Variants in STK32B observed in about 807,000 individuals in gnomAD.
The protein encoded by STK32B is serine/threonine kinase 32B.
In STK32B, 43 loss-of-function variants were observed where a neutral mutation model predicts 52.6. The observed-to-expected ratio is 0.82, with a 90% CI of 0.64 to 1.05. The LOEUF (loss-of-function observed/expected upper bound fraction) is 1.05. Among genes scored for constraint, STK32B ranks in the 50% least tolerant of loss-of-function variants. The pLI is 0.00. For missense variants in STK32B, 621 were observed against 534.6 expected (o/e 1.16, Z -1.59); for synonymous variants, 238 against 204.3 (o/e 1.17, Z -1.41).
intron 3 of STK32B, among the ~76,000 whole-genome samples, chr4:5,319,430 C>G (rs939497736): frequency 1.3e-5 from 2 of 152,232 alleles, no homozygotes; most frequent in Non-Finnish European, 1.5e-5. Flanking sequence ...AAACTCAAAT[C>G]TGACAAGGAC....
chr4:5,185,702 C>A (rs1309323609), intron 3 of STK32B, among the ~76,000 whole-genome samples: 1 of 152,148 alleles, frequency 6.6e-6, no homozygotes, highest in Non-Finnish European at 1.5e-5. Flanking sequence ...TGTTTCAATG[C>A]CCAGCCAGTT....
At chr4:5,170,049 A>G (rs1227341332) in intron 3 of STK32B, among the ~76,000 whole-genome samples, 1 of 152,240 alleles carries the variant, frequency 6.6e-6, no homozygotes, top group East Asian at 1.9e-4. Flanking sequence ...TAATGGCTAC[A>G]TAATATTCCA....
At chr4:5,322,229 C>G (rs1190310543) in intron 3 of STK32B, among the ~76,000 whole-genome samples, 1 of 152,158 alleles carries the variant, frequency 6.6e-6, no homozygotes, top group African/African-American at 2.4e-5. Flanking sequence ...AGGCACAAGT[C>G]AGGCTTGATA....
intron 11 of STK32B, among the ~76,000 whole-genome samples, chr4:5,490,794 A>G (rs902308637): frequency 3.7e-4 from 57 of 152,072 alleles, no homozygotes; most frequent in Non-Finnish European, 6.5e-4. Context: ...TCATTGTTCA[A>G]TTCCCAACTA....
At chr4:5,440,811 T>C (rs528427440) in intron 6 of STK32B, among the ~76,000 whole-genome samples, 8 of 152,236 alleles carry the variant, frequency 5.3e-5, no homozygotes, top group Non-Finnish European at 1.5e-5. Context: ...GTTTTTAGCA[T>C]GAAGGGTTGT....
At chr4:5,220,171 C>G (rs1310850913) in intron 3 of STK32B, among the ~76,000 whole-genome samples, 2 of 152,142 alleles carry the variant, frequency 1.3e-5, no homozygotes, top group East Asian at 3.9e-4. Context: ...TGCCTAGTAA[C>G]CTTTAGAGCC....
At chr4:5,449,749 C>T (rs1329323973) in intron 7 of STK32B, among the ~76,000 whole-genome samples, 3 of 152,112 alleles carry the variant, frequency 2.0e-5, no homozygotes, top group South Asian at 2.1e-4. Context: ...ATTAGACTCT[C>T]ATGGGAGTGC....
chr4:5,262,733 A>G (rs1726804126), intron 3 of STK32B, among the ~76,000 whole-genome samples: 3 of 152,116 alleles, frequency 2.0e-5, no homozygotes, highest in African/African-American at 4.8e-5. Flanking sequence ...TGTAAATGTG[A>G]TCTCATTTTC....
chr4:5,264,711 C>T (rs1321433164), intron 3 of STK32B, among the ~76,000 whole-genome samples: 8 of 152,112 alleles, frequency 5.3e-5, no homozygotes, highest in Admixed American at 2.0e-4. Context: ...GGCGTGAACC[C>T]AGGAGGCGGA....
At chr4:5,274,456 CTGAT>C (rs963843988) in intron 3 of STK32B, among the ~76,000 whole-genome samples, 4 of 151,896 alleles carry the variant, frequency 2.6e-5, no homozygotes, top group Non-Finnish European at 4.4e-5. Context: ...ATTTCCTAGG[CTGAT>C]TAAGAATCCC....
intron 3 of STK32B, among the ~76,000 whole-genome samples, chr4:5,244,094 A>G (rs1725253953): frequency 6.6e-6 from 1 of 152,144 alleles, no homozygotes; most frequent in Admixed American, 6.5e-5. Flanking sequence ...CTGGCCTCAT[A>G]AAATGAGTTA....
rs542668787 is a variant in STK32B, at chr4:5,499,154, C to T, written c.*71C>T. 4 of 1,495,868 alleles carry T rather than the reference C, an allele frequency of 2.7e-6. No individual in the cohort carries two copies. Among genetic ancestry groups the T allele is most frequent in the African/African-American group, 2.8e-5 (2 of 71,262 alleles). 92.7% of individuals were successfully genotyped at this position (1,495,868 alleles called of 1,614,324 possible). On this transcript the variant is annotated 3_prime_UTR_variant, in exon 12 of 12. Coordinates refer to ENST00000282908, the MANE Select transcript of STK32B (RefSeq NM_018401.3). ...TGCCCACCCAGAGCCCCTCTTTGTG[C>T]CCTGATGGTCCCTGTCTCACCCCTG...
At chr4:5,053,263 T>G (rs1442967416) in intron 1 of STK32B, among the ~76,000 whole-genome samples, 1 of 152,212 alleles carries the variant, frequency 6.6e-6, no homozygotes, top group Non-Finnish European at 1.5e-5. Flanking sequence ...GTGCAGGGTC[T>G]TGGGGGCACA....
At chr4:5,140,328 T>C in intron 2 of STK32B, 1 of 1,257,132 alleles carries the variant, frequency 8.0e-7, no homozygotes, top group Non-Finnish European at 1.0e-6. Context: ...TTTGTGATCT[T>C]TGACTATTTT....
At chr4:5,490,805 C>T (rs139349553) in intron 11 of STK32B, among the ~76,000 whole-genome samples, 6 of 152,018 alleles carry the variant, frequency 3.9e-5, no homozygotes, top group African/African-American at 7.2e-5. Flanking sequence ...TTCCCAACTA[C>T]GAGTGAGAAT....
Position 5,497,710 on chromosome 4 carries a change from G to GCA in STK32B, c.1107-1223_1107-1222dup, listed in dbSNP as rs3078910. Among the ~76,000 whole-genome samples, 8 of 148,906 alleles carry GCA rather than the reference G, an allele frequency of 5.4e-5. No homozygotes were observed. The South Asian group carries it at 6.3e-4, about 12-fold the overall frequency. On this transcript the variant is annotated intron_variant, in intron 11 of 11. Coordinates refer to ENST00000282908, the MANE Select transcript of STK32B (RefSeq NM_018401.3). The stretch of plus-strand genomic sequence containing the variant: ...CAAACACTAGGCATTCCCACTGTGC[G>GCA]CACACACACACACTCATACACACAA...
chr4:5,494,689 G>A (rs1244913112), intron 11 of STK32B, among the ~76,000 whole-genome samples: 2 of 152,172 alleles, frequency 1.3e-5, no homozygotes, highest in African/African-American at 4.8e-5. Context: ...TTTACATTTT[G>A]GCATGATGTT....
At chr4:5,130,523 A>G (rs985651473) in intron 1 of STK32B, among the ~76,000 whole-genome samples, 1 of 152,154 alleles carries the variant, frequency 6.6e-6, no homozygotes, top group African/African-American at 2.4e-5. Flanking sequence ...ACCTGTGAAC[A>G]AACTCAGCAC....
At chr4:5,235,578 A>G (rs1724572233) in intron 3 of STK32B, among the ~76,000 whole-genome samples, 1 of 152,232 alleles carries the variant, frequency 6.6e-6, no homozygotes, top group African/African-American at 2.4e-5. Context: ...CCTTAGCCAA[A>G]TATATCAGAA....
Sources: allele counts gnomAD v4.1 joint callset (sites outside exome capture counted in the v4.1 genomes callset), GRCh38; gene constraint gnomAD v4.1.1; transcripts MANE v1.5; gene names NCBI Gene and HGNC (gene_info 2026-07-23, HGNC 2026-07-21).